Variants in USH2A observed in about 807,000 individuals in gnomAD.
USH2A encodes the protein Usher syndrome 2A (autosomal recessive, mild).
In USH2A, 443 loss-of-function variants were observed where a neutral mutation model predicts 538.9. That is an observed-to-expected ratio of 0.82 (90% CI 0.76 to 0.89). The LOEUF is 0.89. Ranked by LOEUF, USH2A falls within the 40% of genes least tolerant of loss-of-function variation. The pLI is 0.00. For synonymous variants in USH2A, 2,413 were observed against 2,273.5 expected (o/e 1.06, Z -1.75); for missense variants, 6,633 against 6,324.8 (o/e 1.05, Z -1.65).
intron 35 of USH2A, among the ~76,000 whole-genome samples, chr1:215,990,240 A>G (rs940006695): frequency 5.9e-5 from 9 of 152,192 alleles, no homozygotes; most frequent in Admixed American, 2.6e-4. Context: ...GGTATTCTCA[A>G]AAGAGAAACC....
intron 22 of USH2A, among the ~76,000 whole-genome samples, chr1:216,094,955 G>GGT (rs34985923): frequency 0.29 from 42,135 of 147,722 alleles, 5,917 homozygotes; most frequent in Middle Eastern, 0.31. Context: ...TGCGTGTGTA[G>GGT]GTGTGTGTGT....
At chr1:216,197,065 A>C (rs1249742638) in intron 18 of USH2A, among the ~76,000 whole-genome samples, 1 of 152,096 alleles carries the variant, frequency 6.6e-6, no homozygotes, top group African/African-American at 2.4e-5. Flanking sequence ...AGAACATCTC[A>C]GTTCAAAAAG....
Position 215,752,003 on chromosome 1 carries a change from A to G in USH2A, c.11389+6592T>C, listed in dbSNP as rs114512178. On this transcript the variant is annotated intron_variant, in intron 58 of 71. Transcript: ENST00000307340. Reference sequence around the variant, plus strand: ...TGAAAGGTGAAAAAATTGCACATCCATAAGACAAGATGCAGTCTTTGGAAA... The same window carrying G: ...TGAAAGGTGAAAAAATTGCACATCCGTAAGACAAGATGCAGTCTTTGGAAA... 9.3e-3 allele frequency among the ~76,000 whole-genome samples: 1,414 copies of G among 152,236 alleles called. 19 individuals carry two copies. The highest frequency in any genetic ancestry group is 0.032 in the African/African-American group (1,329 of 41,552).
At chr1:215,937,955 C>T (rs3856185) in intron 37 of USH2A, among the ~76,000 whole-genome samples, 6,148 of 151,954 alleles carry the variant, frequency 0.04, 135 homozygotes, top group Middle Eastern at 0.068. Context: ...CTACTGCTTG[C>T]TTTGAAAATG....
intron 40 of USH2A, among the ~76,000 whole-genome samples, chr1:215,890,091 A>G (rs146551231): frequency 1.0e-3 from 155 of 152,318 alleles, no homozygotes; most frequent in African/African-American, 3.7e-3. Context: ...CTGATCAGTA[A>G]CAGCTGTAAT....
chr1:216,330,318 T>C (rs2037833942), intron 4 of USH2A, among the ~76,000 whole-genome samples: 1 of 152,126 alleles, frequency 6.6e-6, no homozygotes, highest in Non-Finnish European at 1.5e-5. Context: ...TATATTAGAA[T>C]GCAATACATT....
intron 58 of USH2A, among the ~76,000 whole-genome samples, chr1:215,748,372 C>T (rs1371905275): frequency 6.6e-6 from 1 of 152,070 alleles, no homozygotes; most frequent in Non-Finnish European, 1.5e-5. Flanking sequence ...ACTCTTTAGC[C>T]AATGAGATTA....
intron 4 of USH2A, among the ~76,000 whole-genome samples, chr1:216,330,395 C>T (rs2037835693): frequency 6.6e-6 from 1 of 151,896 alleles, no homozygotes; most frequent in South Asian, 2.1e-4. Context: ...GATGTTATGT[C>T]CAAGAGAGGC....
intron 67 of USH2A, among the ~76,000 whole-genome samples, chr1:215,643,719 G>A (rs1201078276): frequency 6.6e-6 from 1 of 151,962 alleles, no homozygotes; most frequent in African/African-American, 2.4e-5. Flanking sequence ...TGTAGAGATA[G>A]GTGTCTTGAT....
At chr1:216,341,999 ATC>A (rs1463392302) in intron 4 of USH2A, among the ~76,000 whole-genome samples, 2 of 152,180 alleles carry the variant, frequency 1.3e-5, no homozygotes. Context: ...GCCAAATGGG[ATC>A]TAATTAAACT....
chr1:216,204,488 A>G (rs2035069018), intron 16 of USH2A: 1 of 152,234 alleles, frequency 6.6e-6, no homozygotes, highest in African/African-American at 2.4e-5. Context: ...GATCCTAAGA[A>G]GGAAAATATG....
intron 43 of USH2A, among the ~76,000 whole-genome samples, chr1:215,873,857 TAGAA>T (rs1377360472): frequency 7.4e-4 from 113 of 151,928 alleles, no homozygotes; most frequent in Admixed American, 4.1e-3. Context: ...GAATAGCAAT[TAGAA>T]CATACATTCC....
intron 9 of USH2A, among the ~76,000 whole-genome samples, chr1:216,294,283 CT>C (rs1385277828): frequency 9.9e-5 from 15 of 151,918 alleles, no homozygotes; most frequent in African/African-American, 3.6e-4. Context: ...ATTAAAAGCA[CT>C]GGTAATTTGA....
chr1:215,790,328 A>T, intron 50 of USH2A, 46 bp from the exon 51 acceptor site: 1 of 1,600,472 alleles, frequency 6.2e-7, no homozygotes. Context: ...AGAAAAAGGG[A>T]AGAAAACTGA....
chr1:216,376,598 T>C (rs2102726073), intron 3 of USH2A, among the ~76,000 whole-genome samples: 1 of 152,278 alleles, frequency 6.6e-6, no homozygotes, highest in African/African-American at 2.4e-5. Context: ...TAAATCACAG[T>C]AATACAGTTA....
At position 215,888,604 on chromosome 1, in the gene USH2A, C is replaced by T; in HGVS notation, c.8045G>A (p.Arg2682Lys). ...LVTLPRSHSM[R>K]FIDKTSALSP... ...AAGAGCAGAAGTCTTGTCAATAAAC[C>T]TCATGGAATGACTCCTCGGGAGAGT... The change falls in exon 41 of 72, where the codon AGG becomes AAG. Residue 2682 changes from arginine to lysine, a missense_variant. Physicochemically the swap from Arg to Lys is conservative, Grantham distance 26 (BLOSUM62 2). Coordinates refer to ENST00000307340, the MANE Select transcript of USH2A (RefSeq NM_206933.4). 6.2e-7 allele frequency: 1 copy of T among 1,614,144 alleles called. No individual in the cohort carries two copies. Among genetic ancestry groups the T allele is most frequent in the Non-Finnish European group, 8.5e-7 (1 of 1,180,022 alleles).
intron 32 of USH2A, among the ~76,000 whole-genome samples, chr1:216,004,696 G>A (rs1031062005): frequency 1.3e-5 from 2 of 152,162 alleles, no homozygotes; most frequent in Non-Finnish European, 2.9e-5. Context: ...GATTTTTAAA[G>A]TAATTTAAAT....
At chr1:216,309,854 T>C (rs1434780678) in intron 9 of USH2A, among the ~76,000 whole-genome samples, 1 of 152,198 alleles carries the variant, frequency 6.6e-6, no homozygotes, top group Non-Finnish European at 1.5e-5. Context: ...CTTTAGCTGA[T>C]TTTTGAATGC....
intron 58 of USH2A, among the ~76,000 whole-genome samples, chr1:215,753,465 G>A (rs547773018): frequency 8.1e-4 from 123 of 152,278 alleles, no homozygotes; most frequent in African/African-American, 2.9e-3. Context: ...TATACACCAT[G>A]GAATACTATG....
Sources: allele counts gnomAD v4.1 joint callset (sites outside exome capture counted in the v4.1 genomes callset), GRCh38; gene constraint gnomAD v4.1.1; transcripts MANE v1.5; gene names NCBI Gene and HGNC (gene_info 2026-07-23, HGNC 2026-07-21).